KRABD2: variants seen among roughly 807,000 people sequenced by gnomAD.
KRABD2 encodes the protein KRAB domain-containing protein 2.
At chr17:8,373,155 G>C in the KRABD2 span, among the ~76,000 whole-genome samples, 32 of 29,640 alleles carry the variant, frequency 1.1e-3, no homozygotes, top group African/African-American at 2.1e-3. Flanking sequence ...CCCTCTCTCC[G>C]TCTCCGTCTC....
At chr17:8,366,964 G>A in the KRABD2 span, among the ~76,000 whole-genome samples, 5 of 151,562 alleles carry the variant, frequency 3.3e-5, no homozygotes, top group East Asian at 3.9e-4. Flanking sequence ...TCAAGTGATC[G>A]GCCGCCTAAG....
At chr17:8,359,510 A>G in the KRABD2 span, 1 of 446,252 alleles carries the variant, frequency 2.2e-6, no homozygotes. Context: ...TGGTACCACC[A>G]AAGGCCAGCA....
chr17:8,363,838 T>TA, the KRABD2 span, among the ~76,000 whole-genome samples: 71 of 73,196 alleles, frequency 9.7e-4, 1 homozygote, highest in African/African-American at 3.3e-3. Context: ...TACATATATA[T>TA]ATATATATAT....
the KRABD2 span, among the ~76,000 whole-genome samples, chr17:8,360,716 C>A: frequency 6.6e-6 from 1 of 151,924 alleles, no homozygotes; most frequent in South Asian, 2.1e-4. Context: ...AAAGCTTCCA[C>A]AAAACAAATG....
chr17:8,369,333 C>CG, the KRABD2 span: 1 of 1,614,246 alleles, frequency 6.2e-7, no homozygotes, highest in African/African-American at 1.3e-5. Flanking sequence ...CACAGTTTCC[C>CG]GGGGCAAGTT....
the KRABD2 span, among the ~76,000 whole-genome samples, chr17:8,362,712 C>G: frequency 6.6e-6 from 1 of 152,200 alleles, no homozygotes; most frequent in Non-Finnish European, 1.5e-5. This position sits in a 1 kb window ranked among gnomAD's most constrained non-coding sequence, Gnocchi z 4.2. Flanking sequence ...GGCTCACTCA[C>G]ATGGTTGGCA....
chr17:8,369,694 T>C, the KRABD2 span: 6 of 1,614,240 alleles, frequency 3.7e-6, no homozygotes, highest in South Asian at 1.1e-5. Flanking sequence ...AACAAGACAC[T>C]GACCACCTCA....
the KRABD2 span, chr17:8,369,190 G>C: frequency 6.2e-7 from 1 of 1,614,128 alleles, no homozygotes. Context: ...GAAGCTTCAG[G>C]AGTGGGATCC....
the KRABD2 span, chr17:8,371,708 TTAA>T: frequency 7.4e-7 from 1 of 1,355,952 alleles, no homozygotes. Flanking sequence ...AGCCCATTTA[TTAA>T]TCTTTCCAGA....
At chr17:8,376,279 A>C in the KRABD2 span, 1 of 1,228,620 alleles carries the variant, frequency 8.1e-7, no homozygotes, top group Non-Finnish European at 1.0e-6. Context: ...TTGGGAATTC[A>C]TTTGCTGACT....
chr17:8,363,469 A>C, the KRABD2 span, among the ~76,000 whole-genome samples: 1 of 152,020 alleles, frequency 6.6e-6, no homozygotes, highest in South Asian at 2.1e-4. Context: ...CTTGTGCCTC[A>C]GCCTCCTGAG....
At chr17:8,369,871 C>T in the KRABD2 span, 1 of 1,614,160 alleles carries the variant, frequency 6.2e-7, no homozygotes, top group Non-Finnish European at 8.5e-7. Flanking sequence ...GGTGCAAGGC[C>T]TCTCTTGGGT....
the KRABD2 span, chr17:8,373,645 A>T: frequency 1.4e-5 from 2 of 146,210 alleles, no homozygotes; most frequent in Admixed American, 7.4e-5. Context: ...ATCGTCTGGG[A>T]TGTGAGGAGC....
At chr17:8,371,961 A>C in the KRABD2 span, 1 of 988,596 alleles carries the variant, frequency 1.0e-6, no homozygotes, top group South Asian at 4.6e-5. Context: ...CAGCCGTAAG[A>C]CAGGATGGTG....
chr17:8,363,859 A>ATATATATT, the KRABD2 span, among the ~76,000 whole-genome samples: 18 of 74,962 alleles, frequency 2.4e-4, no homozygotes, highest in East Asian at 4.0e-3. Flanking sequence ...ATATATATAT[A>ATATATATT]TATTTATTTA....
At chr17:8,359,537 C>T in the KRABD2 span, 2 of 455,560 alleles carry the variant, frequency 4.4e-6, no homozygotes, top group East Asian at 6.9e-5. Flanking sequence ...CTGGTACATA[C>T]TTAGTGCTTA....
the KRABD2 span, among the ~76,000 whole-genome samples, chr17:8,362,286 C>T: frequency 1.3e-5 from 2 of 151,306 alleles, no homozygotes; most frequent in South Asian, 2.1e-4. The surrounding 1 kb of genome is among the most constrained non-coding windows in gnomAD (Gnocchi z 4.2). Context: ...GCCAAGATTG[C>T]GCCACTGCAC....
the KRABD2 span, among the ~76,000 whole-genome samples, chr17:8,365,106 G>A: frequency 1.3e-5 from 2 of 152,222 alleles, no homozygotes; most frequent in African/African-American, 4.8e-5. Flanking sequence ...GTGGCACACC[G>A]GTTAGTGACC....
chr17:8,372,328 T>C, the KRABD2 span, among the ~76,000 whole-genome samples: 181 of 152,338 alleles, frequency 1.2e-3, no homozygotes, highest in Admixed American at 0.01. This position sits in a 1 kb window ranked among gnomAD's most constrained non-coding sequence, Gnocchi z 4.1. Context: ...ATAAGACACA[T>C]CCAAAATTTA....
Sources: gnomAD v4.1 joint callset for allele counts (sites outside exome capture counted in the v4.1 genomes callset) on GRCh38, gnomAD v4.1.1 for gene constraint, Gnocchi (gnomAD v3.1) non-coding constraint, MANE v1.5 for transcripts, NCBI Gene and HGNC (gene_info 2026-07-23, HGNC 2026-07-21) for gene names.